The following GPC5 variants were observed in gnomAD, a reference collection of about 807,000 sequenced individuals.
The protein encoded by GPC5 is glypican-5.
In GPC5, 47 loss-of-function variants were observed where a neutral mutation model predicts 53.9. The observed-to-expected ratio is 0.87, with a 90% CI of 0.69 to 1.11. The LOEUF (loss-of-function observed/expected upper bound fraction) is 1.11, where lower values mean the gene tolerates loss of function less well. Ranked by LOEUF, GPC5 falls within the 50% of genes most tolerant of loss-of-function variation. The pLI, the probability that GPC5 is intolerant of heterozygous loss-of-function variation, is 0.00. For synonymous variants in GPC5, 286 were observed against 263.3 expected (o/e 1.09, Z -0.84); for missense variants, 748 against 713.1 (o/e 1.05, Z -0.56).
intron 7 of GPC5, among the ~76,000 whole-genome samples, chr13:92,175,210 A>T (rs2042101081): frequency 6.6e-6 from 1 of 152,214 alleles, no homozygotes; most frequent in Non-Finnish European, 1.5e-5. Flanking sequence ...ATGTTGGCAT[A>T]TTAGTGAAAC....
chr13:91,851,212 C>T (rs1250548735), intron 5 of GPC5, among the ~76,000 whole-genome samples: 1 of 152,072 alleles, frequency 6.6e-6, no homozygotes, highest in East Asian at 1.9e-4. Context: ...ACAGCCAGTG[C>T]CCCAGAGGTA....
chr13:92,778,446 T>C (rs1875895882), intron 7 of GPC5, among the ~76,000 whole-genome samples: 1 of 152,190 alleles, frequency 6.6e-6, no homozygotes, highest in African/African-American at 2.4e-5. Flanking sequence ...TAAATTCTTG[T>C]CTTTATTAAG....
intron 7 of GPC5, among the ~76,000 whole-genome samples, chr13:92,458,317 T>TA (rs1555336526): frequency 1.6e-5 from 2 of 123,824 alleles, no homozygotes; most frequent in Admixed American, 8.3e-5. Flanking sequence ...GGGGGCAGGG[T>TA]GGGGGATGAA....
At chr13:92,251,848 T>G (rs2042694887) in intron 7 of GPC5, among the ~76,000 whole-genome samples, 1 of 152,148 alleles carries the variant, frequency 6.6e-6, no homozygotes, top group African/African-American at 2.4e-5. Flanking sequence ...TCTGGCTCAT[T>G]TTTAAATCAC....
chr13:91,561,277 A>T (rs2031247032), intron 2 of GPC5, among the ~76,000 whole-genome samples: 1 of 152,138 alleles, frequency 6.6e-6, no homozygotes, highest in South Asian at 2.1e-4. Context: ...AATCCATAGG[A>T]TGAGGGCCAT....
chr13:92,752,171 C>G (rs1889421129), intron 7 of GPC5, among the ~76,000 whole-genome samples: 1 of 151,900 alleles, frequency 6.6e-6, no homozygotes, highest in Non-Finnish European at 1.5e-5. Flanking sequence ...TGTGTGTTAG[C>G]ATTTGCGTCA....
At chr13:92,461,578 TCCCAA>T (rs1217518436) in intron 7 of GPC5, among the ~76,000 whole-genome samples, 1 of 152,194 alleles carries the variant, frequency 6.6e-6, no homozygotes, top group East Asian at 1.9e-4. Flanking sequence ...TGACCCAGAT[TCCCAA>T]TGTGATAGTA....
intron 6 of GPC5, among the ~76,000 whole-genome samples, chr13:92,100,024 T>A (rs764450812): frequency 1.3e-5 from 2 of 152,146 alleles, no homozygotes; most frequent in Non-Finnish European, 1.5e-5. Flanking sequence ...GAGAACCATG[T>A]GGCAAGGAAC....
intron 6 of GPC5, among the ~76,000 whole-genome samples, chr13:91,966,970 C>T (rs1260642036): frequency 2.0e-5 from 3 of 152,126 alleles, no homozygotes; most frequent in Admixed American, 1.3e-4. Context: ...TAAAGTAACA[C>T]TTATTTGCTT....
At chr13:92,255,051 T>C (rs1477491629) in intron 7 of GPC5, among the ~76,000 whole-genome samples, 1 of 152,170 alleles carries the variant, frequency 6.6e-6, no homozygotes, top group African/African-American at 2.4e-5. Context: ...ATATTAGCTA[T>C]TATAAGTAAT....
chr13:92,062,528 G>T (rs2041133219), intron 6 of GPC5, among the ~76,000 whole-genome samples: 1 of 151,948 alleles, frequency 6.6e-6, no homozygotes, highest in African/African-American at 2.4e-5. Context: ...ACTATAGAAA[G>T]TTCAAGTTTT....
chr13:91,420,453 C>A (rs943024027), intron 1 of GPC5, among the ~76,000 whole-genome samples: 11 of 152,156 alleles, frequency 7.2e-5, no homozygotes, highest in Admixed American at 2.0e-4. Flanking sequence ...TGGCTTTCAG[C>A]ATGTCAAGCT....
intron 6 of GPC5, among the ~76,000 whole-genome samples, chr13:91,919,567 T>C (rs1421080467): frequency 1.3e-5 from 2 of 152,172 alleles, no homozygotes; most frequent in African/African-American, 4.8e-5. Context: ...TACAATTCAA[T>C]TATATTCACA....
intron 7 of GPC5, among the ~76,000 whole-genome samples, chr13:92,159,901 C>G (rs1160284629): frequency 6.7e-6 from 1 of 149,400 alleles, no homozygotes; most frequent in Non-Finnish European, 1.5e-5. Flanking sequence ...CGAGCCCGGT[C>G]CCAATGTTCT....
chr13:92,160,888 A>C (rs2041982909), intron 7 of GPC5, among the ~76,000 whole-genome samples: 1 of 152,208 alleles, frequency 6.6e-6, no homozygotes. Context: ...AGGTCATCCT[A>C]GACTTGGAAT....
chr13:92,229,712 G>A (rs1336067813), intron 7 of GPC5, among the ~76,000 whole-genome samples: 2 of 151,780 alleles, frequency 1.3e-5, no homozygotes, highest in African/African-American at 4.8e-5. Context: ...TATAATTTGG[G>A]GGCTTCCAAA....
intron 6 of GPC5, among the ~76,000 whole-genome samples, chr13:92,060,973 T>C (rs1163642197): frequency 6.6e-6 from 1 of 151,958 alleles, no homozygotes; most frequent in Non-Finnish European, 1.5e-5. Flanking sequence ...TGAGGCTACT[T>C]GTGTTTAAAT....
At chr13:91,831,242 G>A (rs1194726299) in intron 5 of GPC5, among the ~76,000 whole-genome samples, 1 of 151,248 alleles carries the variant, frequency 6.6e-6, no homozygotes, top group African/African-American at 2.4e-5. Flanking sequence ...TGATGTTGGA[G>A]GGCAGGAAGC....
chr13:91,882,398 C>G (rs1417240324), intron 5 of GPC5, among the ~76,000 whole-genome samples: 1 of 151,888 alleles, frequency 6.6e-6, no homozygotes, highest in Non-Finnish European at 1.5e-5. Context: ...CTAGTGATTT[C>G]ACAATTAAAT....
Sources: allele counts gnomAD v4.1 joint callset (sites outside exome capture counted in the v4.1 genomes callset), GRCh38; gene constraint gnomAD v4.1.1; transcripts MANE v1.5; gene names NCBI Gene and HGNC (gene_info 2026-07-23, HGNC 2026-07-21).